The following SLFN12L variants were observed in gnomAD, a reference collection of about 807,000 sequenced individuals.
SLFN12L encodes the protein schlafen family member 12-like.
SLFN12L carries 34 observed loss-of-function variants against 34.8 expected under a neutral mutation model. That is an observed-to-expected ratio of 0.98 (90% CI 0.74 to 1.30). The LOEUF (loss-of-function observed/expected upper bound fraction) is 1.30. SLFN12L is among the 50% of genes most tolerant of loss of function. The pLI is 0.00. For synonymous variants in SLFN12L, 259 were observed against 247.5 expected, an observed-to-expected ratio of 1.05 and a Z score of -0.44; for missense variants, 703 against 696.2, an observed-to-expected ratio of 1.01 and a Z score of -0.11.
chr17:35,531,835 G>A (rs1047604316), intron 1 of SLFN12L, among the ~76,000 whole-genome samples: 10 of 151,570 alleles, frequency 6.6e-5, no homozygotes, highest in Non-Finnish European at 1.3e-4. Context: ...GGGTTTCATC[G>A]TGTTGGCCAG....
In SLFN12L at chr17:35,483,305, T is replaced by C. The variant is rs34409379; in HGVS notation, c.87-3110A>G. Among the ~76,000 whole-genome samples, 673 of 152,296 alleles carry C rather than the reference T, an allele frequency of 4.4e-3. 7 individuals carry two copies. Among genetic ancestry groups the C allele is most frequent in the African/African-American group, 0.015 (627 of 41,556 alleles). On this transcript the variant is annotated intron_variant, in intron 2 of 4. Coordinates refer to ENST00000628453, the MANE Select transcript of SLFN12L (RefSeq NM_001363830.2). ...TAACATTTAATAAAGCTCATCTTCG[T>C]CTTGTTCACCCTTCACTTGTCTGCA...
At position 35,528,056 on chromosome 17, in the gene SLFN12L, G is replaced by T. The variant is rs183852175; in HGVS notation, c.-605-5087C>A. On this transcript the variant is annotated intron_variant, in intron 1 of 4. Coordinates refer to ENST00000628453, the MANE Select transcript of SLFN12L (RefSeq NM_001363830.2). ...AAAATCACAAGCATTCCTATGCACCGATAACAGACAGACAGCCAAATCATG... is the reference window on the plus strand; with the variant it reads ...AAAATCACAAGCATTCCTATGCACCTATAACAGACAGACAGCCAAATCATG... 5.4e-3 allele frequency among the ~76,000 whole-genome samples: 823 copies of T among 151,850 alleles called. 5 individuals carry two copies. Among genetic ancestry groups the T allele is most frequent in the Non-Finnish European group, 9.3e-3 (630 of 67,834 alleles).
At position 35,475,955 on chromosome 17, in the gene SLFN12L, A is replaced by ATG. The variant is rs1329505960; in HGVS notation, c.1277-471_1277-470insCA. ...TAAATTTATATATATGTATATATAT[A>ATG]TATCATAAAACTATAATTTAAAGGA... is the stretch of plus-strand genomic sequence containing the variant. On this transcript the variant is annotated intron_variant, in intron 4 of 4. Transcript: ENST00000628453. 3.4e-5 allele frequency among the ~76,000 whole-genome samples: 5 copies of ATG among 149,044 alleles called. No individual in the cohort carries two copies. The East Asian group carries it at 9.7e-4, about 29-fold the overall frequency.
In SLFN12L at chr17:35,473,258, G is replaced by T. The variant is rs1001703921; in HGVS notation, c.*1665C>A. Among the ~76,000 whole-genome samples the T allele has an allele frequency of 6.6e-6, 1 of 152,124 alleles. No homozygotes were observed. The highest frequency in any genetic ancestry group is 2.4e-5 in the African/African-American group (1 of 41,422). On this transcript the variant is annotated 3_prime_UTR_variant, in exon 5 of 5. Coordinates refer to ENST00000628453, the MANE Select transcript of SLFN12L (RefSeq NM_001363830.2). Reference sequence around the variant, plus strand: ...TTCAAAGGGAATGCTTCCAGGTTTTGCCCATTCAGTATGATATTGGCTGTG... The same window carrying T: ...TTCAAAGGGAATGCTTCCAGGTTTTTCCCATTCAGTATGATATTGGCTGTG...
At chr17:35,489,942 C>T (rs1914764419) in intron 2 of SLFN12L, 2 of 1,321,412 alleles carry the variant, frequency 1.5e-6, no homozygotes, top group Non-Finnish European at 2.1e-6. Context: ...GACAAAAATC[C>T]CACAACCAGT....
intron 2 of SLFN12L, 139 bp downstream of exon 2, chr17:35,522,140 T>C (rs1251291200): frequency 8.7e-7 from 1 of 1,152,000 alleles, no homozygotes; most frequent in Non-Finnish European, 1.2e-6. Context: ...TAGAAAAAAT[T>C]ACCCCATTGT....
rs924530945 is a variant in SLFN12L, at chr17:35,474,791, G to T, written c.*132C>A. On this transcript the variant is annotated 3_prime_UTR_variant, in exon 5 of 5. Transcript: ENST00000628453. ...ATACAAAAAAAAAAAAATTAGCCAG[G>T]TGTGGTGGCAGGCACATGTAATCCC... is the stretch of plus-strand genomic sequence containing the variant. 9.1e-6 allele frequency: 8 copies of T among 883,342 alleles called. No individual in the cohort carries two copies. The highest frequency in any genetic ancestry group is 1.3e-5 in the Non-Finnish European group (8 of 607,058). 54.7% of individuals were successfully genotyped at this position (883,342 alleles called of 1,614,324 possible).
Position 35,529,151 on chromosome 17 carries a change from T to C in SLFN12L, c.-605-6182A>G, listed in dbSNP as rs556645149. Among the ~76,000 whole-genome samples, 4 of 152,224 alleles carry C rather than the reference T, an allele frequency of 2.6e-5. No homozygotes were observed. The South Asian group carries it at 6.2e-4, about 24-fold the overall frequency. On this transcript the variant is annotated intron_variant, in intron 1 of 4. Coordinates refer to ENST00000628453, the MANE Select transcript of SLFN12L (RefSeq NM_001363830.2). Reference sequence around the variant, plus strand: ...AAATCAAAACCACAATGAGATACCATCTCATGCCAGTTAGAATGGCGATCA... The same window carrying C: ...AAATCAAAACCACAATGAGATACCACCTCATGCCAGTTAGAATGGCGATCA...
chr17:35,535,765 T>C (rs1263267422), intron 1 of SLFN12L, among the ~76,000 whole-genome samples: 1 of 151,922 alleles, frequency 6.6e-6, no homozygotes, highest in East Asian at 1.9e-4. Context: ...AAGTGATCTT[T>C]CCACCTCAGC....
chr17:35,497,021 A>G (rs1915107186), intron 2 of SLFN12L, among the ~76,000 whole-genome samples: 1 of 152,066 alleles, frequency 6.6e-6, no homozygotes, highest in African/African-American at 2.4e-5. Context: ...AATCCCAACA[A>G]TTTGGGAGGC....
intron 2 of SLFN12L, chr17:35,498,175 G>A: frequency 1.5e-6 from 1 of 671,254 alleles, no homozygotes; most frequent in Non-Finnish European, 2.7e-6. Context: ...GATCCGGGAG[G>A]CGGCGGCGTG....
rs538625646 is a variant in SLFN12L, at chr17:35,494,515, C to T, written c.87-14320G>A. 2.0e-5 allele frequency among the ~76,000 whole-genome samples: 3 copies of T among 152,370 alleles called. No individual in the cohort carries two copies. The East Asian group carries it at 5.8e-4, about 29-fold the overall frequency. ...GAGGCAAGGATACTCTTTACTTTCA[C>T]TCCCATTGCAGCTTGTGCTGGAGGC... On this transcript the variant is annotated intron_variant, in intron 2 of 4. Coordinates refer to ENST00000628453, the MANE Select transcript of SLFN12L (RefSeq NM_001363830.2).
At chr17:35,498,648 A>T (rs1195409286) in intron 2 of SLFN12L, 1 of 1,606,052 alleles carries the variant, frequency 6.2e-7, no homozygotes, top group African/African-American at 1.3e-5. Flanking sequence ...GACCACTCAA[A>T]CCATCCAGGA....
At chr17:35,481,636 A>G (rs1176715616) in intron 2 of SLFN12L, among the ~76,000 whole-genome samples, 1 of 152,158 alleles carries the variant, frequency 6.6e-6, no homozygotes, top group Non-Finnish European at 1.5e-5. Context: ...CTTGTATCCA[A>G]TCAATAACAG....
At chr17:35,489,014 G>C (rs1237450032) in intron 2 of SLFN12L, among the ~76,000 whole-genome samples, 1 of 152,174 alleles carries the variant, frequency 6.6e-6, no homozygotes, top group Non-Finnish European at 1.5e-5. Flanking sequence ...AAGTTGCAGT[G>C]AGCCCAGATC....
In SLFN12L at chr17:35,478,099, G is replaced by A; in HGVS notation, c.1252C>T (p.Gln418Ter). The A allele has an allele frequency of 1.3e-6, 2 of 1,542,968 alleles. No individual in the cohort carries two copies. Among genetic ancestry groups the A allele is most frequent in the Admixed American group, 2.0e-5 (1 of 50,736 alleles). Residue 418 changes from glutamine (Q) to a stop codon, truncating the protein, a stop_gained, in exon 4 of 5, where the codon CAG (glutamine) becomes TAG (stop). Coordinates refer to ENST00000628453, the MANE Select transcript of SLFN12L (RefSeq NM_001363830.2). LOFTEE classifies it low-confidence loss of function (END_TRUNC). The part of the protein sequence containing the change: ...PLREYINFKI[Q>*]PLRYHLPGLS... The stretch of plus-strand genomic sequence containing the variant: ...CCTGGAAGGTGATATCTCAGTGGCT[G>A]AATTTTGAAGTTAATATATTCACGA...
At position 35,524,156 on chromosome 17, in the gene SLFN12L, C is replaced by T. The variant is rs1039119385; in HGVS notation, c.-605-1187G>A. On this transcript the variant is annotated intron_variant, in intron 1 of 4. Transcript: ENST00000628453. ...TCACACAACTTGATTATGCCTGCAA[C>T]GTGGATGTTAGTGAGTAGGAGATGG... Among the ~76,000 whole-genome samples, 4 of 152,164 alleles carry T rather than the reference C, an allele frequency of 2.6e-5. No individual in the cohort carries two copies. In the East Asian group the frequency reaches 5.8e-4, roughly 22 times the overall value.
intron 2 of SLFN12L, among the ~76,000 whole-genome samples, chr17:35,480,966 T>C (rs1054135242): frequency 6.6e-6 from 1 of 152,150 alleles, no homozygotes; most frequent in Non-Finnish European, 1.5e-5. Context: ...AATCATTAGT[T>C]TGTGGTATTA....
chr17:35,476,503 AAGGAAGGAAGG>A (rs1914022935), intron 4 of SLFN12L, among the ~76,000 whole-genome samples: 14 of 150,302 alleles, frequency 9.3e-5, no homozygotes, highest in Admixed American at 9.3e-4. Context: ...GGAAGGAAGG[AAGGAAGGAAGG>A]AAGGAAAGAA....
Sources: allele counts gnomAD v4.1 joint callset (sites outside exome capture counted in the v4.1 genomes callset), GRCh38; gene constraint gnomAD v4.1.1; transcripts MANE v1.5; gene names NCBI Gene and HGNC (gene_info 2026-07-23, HGNC 2026-07-21).